MOBP: variants seen among roughly 807,000 people sequenced by gnomAD.
MOBP encodes the protein myelin associated oligodendrocyte basic protein, also known as myelin-associated oligodendrocyte basic protein.
MOBP carries 5 observed loss-of-function variants against 15.0 expected under a neutral mutation model. The observed-to-expected ratio is 0.33, with a 90% CI of 0.17 to 0.70. MOBP has a LOEUF of 0.70. Among genes scored for constraint, MOBP ranks in the 30% least tolerant of loss-of-function variants. The pLI, the probability that MOBP is intolerant of heterozygous loss-of-function variation, is 0.67. For missense variants in MOBP, 188 were observed against 257.8 expected (o/e 0.73, Z 1.85); for synonymous variants, 88 against 99.0 (o/e 0.89, Z 0.66).
chr3:39,501,721 G>C (rs1172187161), intron 2 of MOBP, among the ~76,000 whole-genome samples: 2 of 152,008 alleles, frequency 1.3e-5, no homozygotes, highest in South Asian at 2.1e-4. Flanking sequence ...TAGAGAAAAG[G>C]CTTTTCCTAA....
intron 1 of MOBP, among the ~76,000 whole-genome samples, chr3:39,473,041 T>C (rs1308212181): frequency 6.6e-6 from 1 of 152,190 alleles, no homozygotes; most frequent in East Asian, 1.9e-4. Context: ...CCTGGAAATC[T>C]GCGGGGCTGG....
chr3:39,518,085 TAAATC>T (rs2043224546), downstream of MOBP, among the ~76,000 whole-genome samples: 1 of 152,178 alleles, frequency 6.6e-6, no homozygotes, highest in African/African-American at 2.4e-5. Context: ...AAAAAAGTAT[TAAATC>T]TAATTACCAA....
chr3:39,479,028 C>A (rs1283509861), intron 1 of MOBP, among the ~76,000 whole-genome samples: 4 of 152,084 alleles, frequency 2.6e-5, no homozygotes, highest in African/African-American at 9.7e-5. Context: ...CGGGGCTTCA[C>A]CATCTTGGTC....
chr3:39,471,163 C>G (rs1478913515), intron 1 of MOBP, among the ~76,000 whole-genome samples: 1 of 145,734 alleles, frequency 6.9e-6, no homozygotes, highest in African/African-American at 2.6e-5. Flanking sequence ...GAGTCTCACT[C>G]TGTCACTAGG....
intron 2 of MOBP, among the ~76,000 whole-genome samples, chr3:39,491,246 T>G (rs2042790798): frequency 6.6e-6 from 1 of 152,216 alleles, no homozygotes; most frequent in African/African-American, 2.4e-5. Flanking sequence ...CTCCCCTGTA[T>G]AAACAGTGTG....
chr3:39,524,167 CA>C (rs1229058172), intron 3 of MOBP: 3 of 152,178 alleles, frequency 2.0e-5, no homozygotes, highest in Non-Finnish European at 4.4e-5. Flanking sequence ...TGCACAGATA[CA>C]ACCACTGGGG....
intron 2 of MOBP, among the ~76,000 whole-genome samples, chr3:39,487,149 C>G (rs1420822784): frequency 6.6e-6 from 1 of 151,916 alleles, no homozygotes; most frequent in Non-Finnish European, 1.5e-5. Context: ...CTGTGTTGCC[C>G]AGGCTGGTCT....
chr3:39,508,370 C>A (rs1188336907), intron 4 of MOBP, among the ~76,000 whole-genome samples: 5 of 152,170 alleles, frequency 3.3e-5, no homozygotes, highest in African/African-American at 1.2e-4. Flanking sequence ...CATTACCCTT[C>A]AAAATTTCCT....
At chr3:39,475,110 G>A (rs2042527322) in intron 1 of MOBP, among the ~76,000 whole-genome samples, 1 of 151,996 alleles carries the variant, frequency 6.6e-6, no homozygotes. Flanking sequence ...GTTTTTCGTT[G>A]TCTTTCATGA....
chr3:39,475,724 T>C (rs544111822), intron 1 of MOBP, among the ~76,000 whole-genome samples: 1 of 152,186 alleles, frequency 6.6e-6, no homozygotes, highest in Non-Finnish European at 1.5e-5. Flanking sequence ...TTAGGTTAGC[T>C]CCTGTGCCTT....
chr3:39,484,580 G>A (rs1478247530), intron 2 of MOBP, among the ~76,000 whole-genome samples: 1 of 151,940 alleles, frequency 6.6e-6, no homozygotes. Context: ...ACAATTCCAG[G>A]GTAAATTTGA....
At chr3:39,498,763 C>T (rs2042923908) in intron 2 of MOBP, among the ~76,000 whole-genome samples, 1 of 152,106 alleles carries the variant, frequency 6.6e-6, no homozygotes, top group African/African-American at 2.4e-5. Flanking sequence ...AGAGGTGATG[C>T]TGCCCCCTGC....
intron 4 of MOBP, among the ~76,000 whole-genome samples, chr3:39,509,921 A>G (rs2043098275): frequency 6.6e-6 from 1 of 152,018 alleles, no homozygotes; most frequent in Non-Finnish European, 1.5e-5. Context: ...TCACAAAGAT[A>G]TTTTCTTGTA....
At chr3:39,485,943 A>T (rs758256477) in intron 2 of MOBP, among the ~76,000 whole-genome samples, 12 of 79,632 alleles carry the variant, frequency 1.5e-4, no homozygotes, top group South Asian at 3.8e-4. Flanking sequence ...TCTACTTTTT[A>T]AAAAAATGTA....
chr3:39,511,434 A>C (rs543710639), intron 4 of MOBP, among the ~76,000 whole-genome samples: 1 of 152,340 alleles, frequency 6.6e-6, no homozygotes, highest in East Asian at 1.9e-4. Flanking sequence ...TATATAGGAC[A>C]TGACTTTTGT....
downstream of MOBP, chr3:39,528,696 A>C (rs550759958): frequency 2.0e-5 from 3 of 152,370 alleles, no homozygotes; most frequent in Admixed American, 2.0e-4. Context: ...CACAAAATCA[A>C]AGTTCTCCAT....
downstream of MOBP, chr3:39,529,268 T>G (rs778409341): frequency 1.1e-4 from 17 of 152,236 alleles, no homozygotes; most frequent in South Asian, 2.1e-4. Flanking sequence ...TAACTGAGCT[T>G]CTTCTCCTAA....
At chr3:39,477,406 A>G (rs1319637681) in intron 1 of MOBP, among the ~76,000 whole-genome samples, 1 of 151,802 alleles carries the variant, frequency 6.6e-6, no homozygotes, top group African/African-American at 2.4e-5. Context: ...CTGTCATAAC[A>G]TCATAGCACA....
intron 2 of MOBP, among the ~76,000 whole-genome samples, chr3:39,490,768 G>A (rs1187012964): frequency 6.6e-6 from 1 of 152,068 alleles, no homozygotes; most frequent in Admixed American, 6.5e-5. Context: ...TCACCATGTT[G>A]GCCAGGCTGG....
Sources: allele counts gnomAD v4.1 joint callset (sites outside exome capture counted in the v4.1 genomes callset), GRCh38; gene constraint gnomAD v4.1.1; transcripts MANE v1.5; gene names NCBI Gene and HGNC (gene_info 2026-07-23, HGNC 2026-07-21).